The following DDX1 variants were observed in gnomAD, a reference collection of about 807,000 sequenced individuals.
DDX1 encodes DEAD-box helicase 1.
A neutral mutation model predicts 108.7 loss-of-function variants in DDX1; 28 were observed. The ratio of observed to expected loss-of-function variants is 0.26; its 90% CI spans 0.19 to 0.35. The LOEUF (loss-of-function observed/expected upper bound fraction) is 0.35, where lower values mean the gene tolerates loss of function less well. Ranked by LOEUF, DDX1 falls within the 10% of genes least tolerant of loss-of-function variation. The pLI, the probability that DDX1 is intolerant of heterozygous loss-of-function variation, is 1.00. For missense variants in DDX1, 710 were observed against 884.5 expected (o/e 0.80, Z 2.50); for synonymous variants, 295 against 288.9 (o/e 1.02, Z -0.21).
chr2:15,621,612 A>G lies in DDX1; in HGVS notation c.1447+496A>G, dbSNP rs10185874. Reference sequence around the variant, plus strand: ...TGAGCCACCATGCCTGGCCTTAATCATTGAATTTAGATGTTAGTCTCCTGG... The same window carrying G: ...TGAGCCACCATGCCTGGCCTTAATCGTTGAATTTAGATGTTAGTCTCCTGG... On this transcript the variant is annotated intron_variant, in intron 18 of 25. Coordinates refer to ENST00000233084, the MANE Select transcript of DDX1 (RefSeq NM_004939.3). 8.7e-3 allele frequency among the ~76,000 whole-genome samples: 1,311 copies of G among 151,446 alleles called. 22 individuals are homozygous for G. The highest frequency in any genetic ancestry group is 0.03 in the African/African-American group (1,252 of 41,306).
chr2:15,605,761 G>A (rs1051840274), intron 10 of DDX1, among the ~76,000 whole-genome samples, 189 bp from the exon 11 acceptor site: 8 of 152,168 alleles, frequency 5.3e-5, no homozygotes, highest in African/African-American at 1.7e-4. Context: ...AATGAAAAAT[G>A]TAGAGGGGTA....
chr2:15,596,996 G>A (rs940840980), intron 4 of DDX1, among the ~76,000 whole-genome samples: 2 of 152,172 alleles, frequency 1.3e-5, no homozygotes, highest in Non-Finnish European at 2.9e-5. Context: ...AATAGCTTTA[G>A]TGTTTATACT....
rs909561510 is a variant in DDX1, at chr2:15,603,237, G to C, written c.437G>C (p.Arg146Thr). The C allele has an allele frequency of 1.2e-6, 2 of 1,613,592 alleles. No individual in the cohort carries two copies. Among genetic ancestry groups the C allele is most frequent in the African/African-American group, 1.3e-5 (1 of 74,886 alleles). ...EVSCHDQGLC[R>T]VGWSTMQASL... ...TCCTGTCATGACCAAGGGTTATGCA[G>C]GGTCGGGTGGTCTACCATGCAGGCC... The change falls in exon 8 of 26, where the codon AGG (arginine) becomes ACG (threonine). Residue 146 changes from arginine (R) to threonine (T), a missense_variant. Around this residue, in one of 3 missense-constraint regions of DDX1, gnomAD observed 661 missense variants for 810.2 expected, o/e 0.82. Transcript: ENST00000233084.
At chr2:15,604,071 T>C (rs1665628258) in intron 9 of DDX1, among the ~76,000 whole-genome samples, 181 bp downstream of exon 9, 1 of 152,244 alleles carries the variant, frequency 6.6e-6, no homozygotes, top group Non-Finnish European at 1.5e-5. Flanking sequence ...GATAAATATG[T>C]AGTAGTTATA....
intron 20 of DDX1, chr2:15,627,575 C>G (rs1027230916): frequency 6.4e-6 from 1 of 156,954 alleles, no homozygotes; most frequent in Non-Finnish European, 1.4e-5. Flanking sequence ...GCAGACCTTT[C>G]CAGTTATATG....
chr2:15,617,265 C>A lies in DDX1; in HGVS notation c.1039C>A (p.Pro347Thr). ...TCAGGTAGATATAGTTGTAGGTACT[C>A]CGGGAAGACTAGATGACTTGGTGTC... is the stretch of plus-strand genomic sequence containing the variant. Reference protein sequence around the residue: ...ENGVDIVVGTPGRLDDLVSTG... With the variant: ...ENGVDIVVGTTGRLDDLVSTG... The change falls in exon 15 of 26, where the codon CCG becomes ACG. Residue 347 changes from proline (P) to threonine (T), a missense_variant. Transcript: ENST00000233084. 1 of 1,588,078 alleles carries A rather than the reference C, an allele frequency of 6.3e-7. No homozygotes were observed. Among genetic ancestry groups the A allele is most frequent in the Non-Finnish European group, 8.6e-7 (1 of 1,164,272 alleles).
intron 3 of DDX1, among the ~76,000 whole-genome samples, chr2:15,596,026 A>G (rs1477402240): frequency 6.6e-6 from 1 of 152,120 alleles, no homozygotes; most frequent in Non-Finnish European, 1.5e-5. Flanking sequence ...GTGGGACTAC[A>G]GGTACACACC....
At chr2:15,615,141 C>T (rs1245215642) in intron 14 of DDX1, among the ~76,000 whole-genome samples, 1 of 152,192 alleles carries the variant, frequency 6.6e-6, no homozygotes, top group Non-Finnish European at 1.5e-5. Context: ...CTGGTTCAGC[C>T]TTAGCCCTGT....
intron 15 of DDX1, 26 bp from the exon 16 acceptor site, chr2:15,618,153 CTT>C (rs1347858935): frequency 1.4e-6 from 2 of 1,382,148 alleles, no homozygotes; most frequent in African/African-American, 2.9e-5. Flanking sequence ...TGATTAAAAA[CTT>C]AATTTATTCT....
rs1665603525 is a variant in DDX1 at position 15,602,535 on chromosome 2, T to C, written c.308-13T>C. The C allele has an allele frequency of 6.2e-7, 1 of 1,608,676 alleles. No homozygotes were observed. The highest frequency in any genetic ancestry group is 8.5e-7 in the Non-Finnish European group (1 of 1,175,150). Reference sequence around the variant, plus strand: ...TACTGACGTGTTTTTCTGTGTTTTCTTCTCAAATCCAGCAATTGGGTCAGA... The same window carrying C: ...TACTGACGTGTTTTTCTGTGTTTTCCTCTCAAATCCAGCAATTGGGTCAGA... On this transcript the variant is annotated splice_polypyrimidine_tract_variant and intron_variant, in intron 6 of 25. Coordinates refer to ENST00000233084, the MANE Select transcript of DDX1 (RefSeq NM_004939.3).
chr2:15,604,603 G>A (rs987932493), intron 10 of DDX1, 94 bp downstream of exon 10: 19 of 799,170 alleles, frequency 2.4e-5, no homozygotes, highest in Middle Eastern at 2.3e-4. Context: ...TCAAATCCCC[G>A]TCCCTCCCTC....
chr2:15,599,091 A>C (rs954349752), intron 5 of DDX1: 4 of 152,196 alleles, frequency 2.6e-5, no homozygotes, highest in African/African-American at 9.6e-5. Context: ...GAGCACACTG[A>C]AGCAAGCAAG....
Position 15,605,976 on chromosome 2 carries a change from A to G in DDX1, c.652A>G (p.Ile218Val). ...AAAAGATCTTGGTCTGGCATTTGAA[A>G]TACCACCACATATGAAAAACCAAGC... ...NGKDLGLAFEIPPHMKNQALF... is the reference protein window; with the variant it reads ...NGKDLGLAFEVPPHMKNQALF... Residue 218 changes from isoleucine to valine, a missense_variant, in exon 11 of 26, where the codon ATA becomes GTA. Around this residue, in one of 3 missense-constraint regions of DDX1, gnomAD observed 661 missense variants for 810.2 expected, o/e 0.82. Coordinates refer to ENST00000233084, the MANE Select transcript of DDX1 (RefSeq NM_004939.3). 6.3e-7 allele frequency: 1 copy of G among 1,580,140 alleles called. No individual in the cohort carries two copies. Among genetic ancestry groups the G allele is most frequent in the Non-Finnish European group, 8.6e-7 (1 of 1,168,100 alleles).
chr2:15,612,457 G>A (rs1263518702), intron 13 of DDX1, among the ~76,000 whole-genome samples: 1 of 151,738 alleles, frequency 6.6e-6, no homozygotes, highest in East Asian at 2.0e-4. Flanking sequence ...ATGGTGGCCG[G>A]GAAGAGGTGC....
intron 16 of DDX1, among the ~76,000 whole-genome samples, chr2:15,619,748 T>C (rs1031503092): frequency 6.6e-6 from 1 of 152,236 alleles, no homozygotes; most frequent in Non-Finnish European, 1.5e-5. Flanking sequence ...AAGTAAAAAT[T>C]CTTAGTTACT....
intron 23 of DDX1, among the ~76,000 whole-genome samples, 155 bp from the exon 24 acceptor site, chr2:15,629,447 A>T (rs1230957357): frequency 6.6e-6 from 1 of 152,210 alleles, no homozygotes; most frequent in Non-Finnish European, 1.5e-5. Context: ...TCAATGAGCT[A>T]CTGAATAGTA....
At position 15,630,963 on chromosome 2, in the gene DDX1, A is replaced by G. The variant is rs950999847; in HGVS notation, c.*57A>G. On this transcript the variant is annotated 3_prime_UTR_variant, in exon 26 of 26. Coordinates refer to ENST00000233084, the MANE Select transcript of DDX1 (RefSeq NM_004939.3). The stretch of plus-strand genomic sequence containing the variant: ...TGAAAGTCTGTAGTCTTAAAACTCT[A>G]AAACAGTTGTACTGCTTCCAAGCAG... 3.8e-6 allele frequency: 6 copies of G among 1,563,450 alleles called. No homozygotes were observed. In the African/African-American group the frequency reaches 5.4e-5, roughly 14 times the overall value.
intron 13 of DDX1, among the ~76,000 whole-genome samples, chr2:15,610,948 G>A (rs1449134393): frequency 6.7e-6 from 1 of 149,990 alleles, no homozygotes; most frequent in Non-Finnish European, 1.5e-5. Flanking sequence ...ATTTGGCAGG[G>A]TCACAGGACA....
chr2:15,625,844 A>T (rs549447084), intron 19 of DDX1, among the ~76,000 whole-genome samples: 1 of 152,132 alleles, frequency 6.6e-6, no homozygotes, highest in Non-Finnish European at 1.5e-5. Context: ...ACTAATGGTC[A>T]TATAAAGAAT....
Sources: allele counts gnomAD v4.1 joint callset (sites outside exome capture counted in the v4.1 genomes callset), GRCh38; gene constraint gnomAD v4.1.1; regional missense constraint gnomAD v4.1.1; transcripts MANE v1.5; gene names NCBI Gene and HGNC (gene_info 2026-07-23, HGNC 2026-07-21).